ADAMTSL3: variants seen among roughly 807,000 people sequenced by gnomAD.
ADAMTSL3 encodes the protein ADAMTS-like protein 3.
In ADAMTSL3, 128 loss-of-function variants were observed where a neutral mutation model predicts 201.7. That is an observed-to-expected ratio of 0.63 (90% CI 0.55 to 0.73). The LOEUF is 0.73. Ranked by LOEUF, ADAMTSL3 falls within the 30% of genes least tolerant of loss-of-function variation. The pLI is 0.00. For synonymous variants in ADAMTSL3, 738 were observed against 748.4 expected (o/e 0.99, Z 0.23); for missense variants, 1,990 against 2,119.6 (o/e 0.94, Z 1.20).
At position 83,982,775 on chromosome 15, in the gene ADAMTSL3, C is replaced by T. The variant is rs2067409557; in HGVS notation, c.3147C>T (p.His1049=). The part of the protein sequence containing the change: ...NKNDLYLDDD[H]ISNQPFLRAL... ...ATGACCTTTATCTGGATGATGACCA[C>T]ATTAGTAACCAGCCTTTCTTGAGAG... The change falls in exon 21 of 30, where the codon CAC becomes CAT. Residue 1049 remains histidine (H), a synonymous_variant. Coordinates refer to ENST00000286744, the MANE Select transcript of ADAMTSL3 (RefSeq NM_207517.3). 3 of 1,614,094 alleles carry T rather than the reference C, an allele frequency of 1.9e-6. No individual in the cohort carries two copies. Among genetic ancestry groups the T allele is most frequent in the Non-Finnish European group, 8.5e-7 (1 of 1,180,038 alleles).
intron 8 of ADAMTSL3, among the ~76,000 whole-genome samples, chr15:83,869,554 C>T (rs1216401430): frequency 6.6e-6 from 1 of 152,146 alleles, no homozygotes; most frequent in African/African-American, 2.4e-5. Flanking sequence ...TCTCCTAAGG[C>T]CTGTTATGCA....
intron 3 of ADAMTSL3, among the ~76,000 whole-genome samples, chr15:83,716,111 TC>T (rs1362112097): frequency 6.6e-6 from 1 of 152,198 alleles, no homozygotes; most frequent in Middle Eastern, 3.2e-3. Flanking sequence ...TTTCTGCAAT[TC>T]CCATGGACAT....
intron 19 of ADAMTSL3, chr15:83,962,646 A>G (rs541488710): frequency 6.6e-6 from 1 of 152,204 alleles, no homozygotes; most frequent in African/African-American, 2.4e-5. Context: ...GTGATTTTTT[A>G]AAAACTTTCC....
At chr15:83,822,987 G>A (rs578102671) in intron 6 of ADAMTSL3, among the ~76,000 whole-genome samples, 128 of 152,136 alleles carry the variant, frequency 8.4e-4, no homozygotes, top group African/African-American at 2.9e-3. Flanking sequence ...GCGGTTAGGA[G>A]CTGGAGACCA....
chr15:83,698,554 C>T (rs1265293617), intron 2 of ADAMTSL3, among the ~76,000 whole-genome samples: 1 of 152,202 alleles, frequency 6.6e-6, no homozygotes, highest in Non-Finnish European at 1.5e-5. Context: ...CTTGTTCCTC[C>T]TGCTTTCCCT....
chr15:83,972,421 T>G (rs1200171152), intron 20 of ADAMTSL3, among the ~76,000 whole-genome samples: 1 of 152,166 alleles, frequency 6.6e-6, no homozygotes, highest in East Asian at 1.9e-4. Context: ...TTTTTATTAA[T>G]TGCGGATGGT....
intron 4 of ADAMTSL3, among the ~76,000 whole-genome samples, chr15:83,798,375 A>G (rs976578289): frequency 1.1e-4 from 16 of 152,224 alleles, no homozygotes; most frequent in Admixed American, 1.0e-3. Context: ...ATTTGTGCAT[A>G]TATGTGCATA....
intron 11 of ADAMTSL3, chr15:83,890,772 T>C (rs1308495830): frequency 6.5e-6 from 1 of 154,522 alleles, no homozygotes; most frequent in African/African-American, 2.4e-5. Flanking sequence ...TACAATACCT[T>C]AAAATAACAG....
intron 4 of ADAMTSL3, among the ~76,000 whole-genome samples, chr15:83,774,798 CT>C (rs1362305931): frequency 6.6e-6 from 1 of 151,046 alleles, no homozygotes; most frequent in Non-Finnish European, 1.5e-5. Context: ...TATATTTATT[CT>C]GCCAAGGAGG....
intron 19 of ADAMTSL3, among the ~76,000 whole-genome samples, chr15:83,943,736 C>T (rs1361550235): frequency 2.0e-5 from 3 of 152,222 alleles, no homozygotes; most frequent in Non-Finnish European, 2.9e-5. Flanking sequence ...TGTTATATTA[C>T]ACTGCCCACT....
intron 4 of ADAMTSL3, among the ~76,000 whole-genome samples, chr15:83,804,195 C>G (rs930892454): frequency 6.6e-6 from 1 of 152,078 alleles, no homozygotes; most frequent in Non-Finnish European, 1.5e-5. Context: ...GACTGTTGTA[C>G]TAATTAAAGG....
chr15:83,823,946 CT>C lies in ADAMTSL3; in HGVS notation c.600+3901del, dbSNP rs1567169715. ...TCTTCTTCTTCTTCTTCTTCTTCTT[CT>C]TCTTCTTCTTCTTCTTCTTCTTCTT... On this transcript the variant is annotated intron_variant, in intron 6 of 29. Coordinates refer to ENST00000286744, the MANE Select transcript of ADAMTSL3 (RefSeq NM_207517.3). Among the ~76,000 whole-genome samples, 450 of 99,710 alleles carry C rather than the reference CT, an allele frequency of 4.5e-3. 17 individuals carry two copies. The highest frequency in any genetic ancestry group is 0.037 in the East Asian group (121 of 3,252). The allele number at this position is 99,710 out of a possible 152,430, so 65.4% of individuals were successfully genotyped here.
intron 25 of ADAMTSL3, 88 bp from the exon 26 acceptor site, chr15:84,021,322 A>T (rs547659829): frequency 2.8e-6 from 4 of 1,448,530 alleles, no homozygotes. Flanking sequence ...ACCAAAAAAC[A>T]TCTCATGGTG....
chr15:83,776,502 G>A (rs747422293), intron 4 of ADAMTSL3, among the ~76,000 whole-genome samples: 20 of 152,332 alleles, frequency 1.3e-4, no homozygotes, highest in Non-Finnish European at 2.5e-4. Flanking sequence ...TGGATCACCT[G>A]AGATCAGGAG....
At chr15:83,897,658 A>G (rs942479909) in intron 13 of ADAMTSL3, among the ~76,000 whole-genome samples, 200 bp from the exon 14 acceptor site, 5 of 152,224 alleles carry the variant, frequency 3.3e-5, no homozygotes, top group African/African-American at 1.2e-4. Context: ...GAAGTGGAAC[A>G]AGGTTGTACA....
At chr15:83,991,262 G>A (rs772007809) in intron 23 of ADAMTSL3, 48 bp downstream of exon 23, 9 of 1,611,970 alleles carry the variant, frequency 5.6e-6, no homozygotes, top group Non-Finnish European at 7.6e-6. Context: ...GGAGGTAAGT[G>A]TGGCCATCCC....
chr15:83,892,629 C>A, intron 12 of ADAMTSL3, 55 bp from the exon 13 acceptor site: 1 of 1,539,154 alleles, frequency 6.5e-7, no homozygotes, highest in South Asian at 1.2e-5. Context: ...ACCATCTTTG[C>A]AAACTTCAAA....
At chr15:83,899,942 A>AAC (rs2065691554) in intron 15 of ADAMTSL3, among the ~76,000 whole-genome samples, 1 of 152,210 alleles carries the variant, frequency 6.6e-6, no homozygotes, top group Non-Finnish European at 1.5e-5. Flanking sequence ...CACAGAAAAG[A>AAC]ACAGTGTTAC....
chr15:83,849,334 C>G (rs2064562937), intron 7 of ADAMTSL3, among the ~76,000 whole-genome samples: 1 of 152,134 alleles, frequency 6.6e-6, no homozygotes, highest in Admixed American at 6.5e-5. Context: ...ACTATGTTGC[C>G]CAGGCTGATC....
Sources: allele counts gnomAD v4.1 joint callset (sites outside exome capture counted in the v4.1 genomes callset), GRCh38; gene constraint gnomAD v4.1.1; transcripts MANE v1.5; gene names NCBI Gene and HGNC (gene_info 2026-07-23, HGNC 2026-07-21).